EPHB6: variants seen among roughly 807,000 people sequenced by gnomAD.
EPHB6 encodes ephrin type-B receptor 6.
In EPHB6, 51 loss-of-function variants were observed where a neutral mutation model predicts 107.0. The ratio of observed to expected loss-of-function variants is 0.48; its 90% CI spans 0.38 to 0.60. The LOEUF (loss-of-function observed/expected upper bound fraction) is 0.60. Among genes scored for constraint, EPHB6 ranks in the 20% least tolerant of loss-of-function variants. The probability of loss-of-function intolerance (pLI) is 0.00; values close to 1 mark genes in which losing one functional copy is unlikely to be tolerated. For synonymous variants in EPHB6, 553 were observed against 549.0 expected (o/e 1.01, Z -0.10); for missense variants, 1,141 against 1,355.5 (o/e 0.84, Z 2.48).
rs911179928 is a variant in EPHB6 at position 142,868,998 on chromosome 7, C to G, written c.2311C>G (p.Leu771Val). The G allele has an allele frequency of 6.2e-7, 1 of 1,611,014 alleles. No individual in the cohort carries two copies. Among genetic ancestry groups the G allele is most frequent in the East Asian group, 2.2e-5 (1 of 44,882 alleles). ...LRQREGQFSS[L>V]QLVAMQRGVA... The stretch of plus-strand genomic sequence containing the variant: ...GCAGCGGGAGGGCCAGTTCAGCAGC[C>G]TGCAGCTGGTGGCCATGCAGCGGGG... Residue 771 changes from leucine to valine, a missense_variant, in exon 16 of 20, where the codon CTG becomes GTG. Coordinates refer to ENST00000652003, the MANE Select transcript of EPHB6 (RefSeq NM_004445.6). This position sits in a 1 kb window ranked among gnomAD's most constrained non-coding sequence, Gnocchi z 4.2.
chr7:142,868,442 A>T lies in EPHB6; in HGVS notation c.2039-50A>T. 1 of 1,614,134 alleles carries T rather than the reference A, an allele frequency of 6.2e-7. No individual in the cohort carries two copies. The highest frequency in any genetic ancestry group is 1.1e-5 in the South Asian group (1 of 91,076). ...GGCCAGAGTCCCATCCAAACACAGC[A>T]GGACGCTGTGAGCCTTGATCCCCAC... On this transcript the variant is annotated intron_variant, in intron 14 of 19. Transcript: ENST00000652003. The surrounding 1 kb of genome is among the most constrained non-coding windows in gnomAD (Gnocchi z 4.2).
In EPHB6 at chr7:142,863,299, C is replaced by T. The variant is rs766499559; in HGVS notation, c.72C>T (p.Leu24=). The T allele has an allele frequency of 5.0e-6, 8 of 1,613,636 alleles. No individual in the cohort carries two copies. The African/African-American group carries it at 6.7e-5, about 13-fold the overall frequency. Residue 24 remains leucine (L), a synonymous_variant, in exon 5 of 20, where the codon CTC becomes CTT. Transcript: ENST00000652003. The part of the protein sequence containing the change: ...AGMVCSLWVL[L]LVSSVLALEE... ...TGGTGTGTAGCCTATGGGTGCTGCT[C>T]CTGGTGTCTTCAGTTCTGGCTCTGG... is the stretch of plus-strand genomic sequence containing the variant.
At chr7:142,859,038 G>A (rs1442741438) in intron 1 of EPHB6, among the ~76,000 whole-genome samples, 2 of 152,144 alleles carry the variant, frequency 1.3e-5, no homozygotes, top group African/African-American at 2.4e-5. Flanking sequence ...GCTGCTTCTG[G>A]TTTTATATTT....
intron 4 of EPHB6, 124 bp downstream of exon 4, chr7:142,862,957 G>A (rs1253575480): frequency 9.6e-6 from 5 of 519,210 alleles, no homozygotes; most frequent in Non-Finnish European, 1.7e-5. Flanking sequence ...AATGTGCACC[G>A]GCTCAGGAGA....
At position 142,867,401 on chromosome 7, in the gene EPHB6, T is replaced by A; in HGVS notation, c.1751-207T>A. On this transcript the variant is annotated intron_variant, in intron 11 of 19. Coordinates refer to ENST00000652003, the MANE Select transcript of EPHB6 (RefSeq NM_004445.6). The surrounding 1 kb of genome is among the most constrained non-coding windows in gnomAD (Gnocchi z 5.3). ...GTGGATGTGGAGGGCTGTGGGGATGTGTGTGTGTGTTGTGTGTCCCTGTGT... is the reference window on the plus strand; with the variant it reads ...GTGGATGTGGAGGGCTGTGGGGATGAGTGTGTGTGTTGTGTGTCCCTGTGT... The A allele has an allele frequency of 1.6e-6, 1 of 644,218 alleles. No individual in the cohort carries two copies. The highest frequency in any genetic ancestry group is 2.8e-6 in the Non-Finnish European group (1 of 353,604). The allele number at this position is 644,218 out of a possible 1,614,324, so 39.9% of individuals were successfully genotyped here.
In EPHB6 at chr7:142,870,370, C is replaced by T. The variant is rs2116490712; in HGVS notation, c.2767C>T (p.Pro923Ser). Residue 923 changes from proline (P) to serine (S), a missense_variant, in exon 18 of 20, where the codon CCA (proline) becomes TCA (serine). Around this residue, in one of 3 missense-constraint regions of EPHB6, gnomAD observed 616 missense variants for 759.3 expected, o/e 0.81. Transcript: ENST00000652003. The stretch of plus-strand genomic sequence containing the variant: ...TGCATTTGACAAGATGATCCGCAAG[C>T]CAGATACCCTGCAGGCTGGCGGGGA... ...VAAFDKMIRK[P>S]DTLQAGGDPG... 6.2e-7 allele frequency: 1 copy of T among 1,614,180 alleles called. No homozygotes were observed. Among genetic ancestry groups the T allele is most frequent in the South Asian group, 1.1e-5 (1 of 91,090 alleles).
intron 4 of EPHB6, 100 bp downstream of exon 4, chr7:142,862,933 C>A: frequency 2.1e-6 from 1 of 482,774 alleles, no homozygotes; most frequent in Non-Finnish European, 3.7e-6. Flanking sequence ...GGCACGAACA[C>A]TCCAAGATGG....
At chr7:142,862,657 G>C (rs1207157697) in intron 3 of EPHB6, 99 bp from the exon 4 acceptor site, 1 of 152,722 alleles carries the variant, frequency 6.5e-6, no homozygotes, top group African/African-American at 2.4e-5. Context: ...GTCCATCGGG[G>C]GTGGGGCGGT....
chr7:142,863,480 C>A, intron 5 of EPHB6, 151 bp from the exon 6 acceptor site: 1 of 1,209,952 alleles, frequency 8.3e-7, no homozygotes, highest in South Asian at 1.2e-5. Context: ...TCAGATTTGT[C>A]AGAGAAAGGA....
intron 1 of EPHB6, among the ~76,000 whole-genome samples, chr7:142,859,396 C>G (rs943179911): frequency 2.0e-5 from 3 of 152,204 alleles, no homozygotes; most frequent in African/African-American, 7.2e-5. Context: ...GTGTTCTTGT[C>G]ACTTATGTTT....
rs199602230 is a variant in EPHB6 at position 142,866,356 on chromosome 7, G to T, written c.1462+40G>T. 1 of 1,612,016 alleles carries T rather than the reference G, an allele frequency of 6.2e-7. No individual in the cohort carries two copies. Among genetic ancestry groups the T allele is most frequent in the Non-Finnish European group, 8.5e-7 (1 of 1,179,236 alleles). ...TTGGCCTTCAGGATCCCCTGCCTCC[G>T]CTCCTTTGAGCCCCCTTCCCTACTC... On this transcript the variant is annotated intron_variant, in intron 9 of 19. Coordinates refer to ENST00000652003, the MANE Select transcript of EPHB6 (RefSeq NM_004445.6). This position sits in a 1 kb window ranked among gnomAD's most constrained non-coding sequence, Gnocchi z 5.2.
rs757805450 is a variant in EPHB6, at chr7:142,865,467, C to T, written c.950-8C>T. ...GTGTGACGCCCCCACTCTCCTCTGC[C>T]TCCTCAGCCTGCCCACGGGGGCTCT... On this transcript the variant is annotated splice_region_variant and splice_polypyrimidine_tract_variant and intron_variant, in intron 7 of 19. Transcript: ENST00000652003. 2 of 1,613,046 alleles carry T rather than the reference C, an allele frequency of 1.2e-6. No individual in the cohort carries two copies. Among genetic ancestry groups the T allele is most frequent in the South Asian group, 2.2e-5 (2 of 91,046 alleles).
Position 142,869,203 on chromosome 7 carries a change from T to C in EPHB6, c.2460+56T>C. ...GGGCCTTGTGGCATGCCCCAGCAGG[T>C]GCTGGGGTCGGGGGTGAGCTGGAAT... On this transcript the variant is annotated intron_variant, in intron 16 of 19. Transcript: ENST00000652003. The surrounding 1 kb of genome is among the most constrained non-coding windows in gnomAD (Gnocchi z 4.5). 5 of 1,590,344 alleles carry C rather than the reference T, an allele frequency of 3.1e-6. No homozygotes were observed. Among genetic ancestry groups the C allele is most frequent in the Non-Finnish European group, 4.3e-6 (5 of 1,166,612 alleles).
rs143667567 is a variant in EPHB6, at chr7:142,864,293, CCCTCCTCCTCCT to C, written c.510_521del (p.Ser174_Ser177del). The C allele has an allele frequency of 3.3e-5, 52 of 1,559,850 alleles. 1 individual carries two copies. The South Asian group carries it at 4.4e-4, about 13-fold the overall frequency. The stretch of plus-strand genomic sequence containing the variant: ...CACAATTGCAGCAGACGAGAGCTTT[CCCTCCTCCTCCT>C]CCTCCTCCTCCTCCTCTTCTTCCTC... On this transcript the variant is annotated inframe_deletion, in exon 7 of 20. Transcript: ENST00000652003.
intron 1 of EPHB6, among the ~76,000 whole-genome samples, chr7:142,859,045 AT>A (rs1162276656): frequency 3.3e-5 from 5 of 152,226 alleles, no homozygotes; most frequent in Non-Finnish European, 7.3e-5. Flanking sequence ...CTGGTTTTAT[AT>A]TTTTAAAACC....
chr7:142,865,327 A>G, intron 7 of EPHB6, 148 bp from the exon 8 acceptor site: 1 of 1,005,926 alleles, frequency 9.9e-7, no homozygotes, highest in Non-Finnish European at 1.5e-6. Context: ...TGCCTGAGGG[A>G]AGAGAGGGTG....
Position 142,868,122 on chromosome 7 carries a change from C to G in EPHB6, c.1918+73C>G. On this transcript the variant is annotated intron_variant, in intron 13 of 19. Transcript: ENST00000652003. The surrounding 1 kb of genome is among the most constrained non-coding windows in gnomAD (Gnocchi z 4.2). ...GGGCACATGGCAGGCAAGGCTGGATCCCCCCAAGATTGGGGGAGCTCCTTG... is the reference window on the plus strand; with the variant it reads ...GGGCACATGGCAGGCAAGGCTGGATGCCCCCAAGATTGGGGGAGCTCCTTG... 2 of 1,613,216 alleles carry G rather than the reference C, an allele frequency of 1.2e-6. No individual in the cohort carries two copies. The highest frequency in any genetic ancestry group is 1.7e-6 in the Non-Finnish European group (2 of 1,179,282).
chr7:142,869,181 C>A lies in EPHB6; in HGVS notation c.2460+34C>A. ...ACAGCCTTGGGGACACAGCCTGGGG[C>A]CTTGTGGCATGCCCCAGCAGGTGCT... On this transcript the variant is annotated intron_variant, in intron 16 of 19. Coordinates refer to ENST00000652003, the MANE Select transcript of EPHB6 (RefSeq NM_004445.6). This position sits in a 1 kb window ranked among gnomAD's most constrained non-coding sequence, Gnocchi z 4.5. 1 of 1,603,624 alleles carries A rather than the reference C, an allele frequency of 6.2e-7. No individual in the cohort carries two copies. The highest frequency in any genetic ancestry group is 8.5e-7 in the Non-Finnish European group (1 of 1,173,856).
At chr7:142,863,526 A>G in intron 5 of EPHB6, 105 bp from the exon 6 acceptor site, 5 of 1,415,720 alleles carry the variant, frequency 3.5e-6, no homozygotes, top group Non-Finnish European at 3.0e-6. Context: ...TGGCAAAGAC[A>G]TGGGCCCGGG....
Sources: gnomAD v4.1 joint callset for allele counts (sites outside exome capture counted in the v4.1 genomes callset) on GRCh38, gnomAD v4.1.1 for gene constraint, gnomAD v4.1.1 regional missense constraint, Gnocchi (gnomAD v3.1) non-coding constraint, MANE v1.5 for transcripts, NCBI Gene and HGNC (gene_info 2026-07-23, HGNC 2026-07-21) for gene names.